The following GRIN2B variants were observed in gnomAD, a reference collection of about 807,000 sequenced individuals.
GRIN2B encodes glutamate receptor ionotropic, NMDA 2B.
A neutral mutation model predicts 114.5 loss-of-function variants in GRIN2B; 5 were observed. The observed-to-expected ratio is 0.04, with a 90% CI of 0.02 to 0.09. GRIN2B has a LOEUF of 0.09. Among genes scored for constraint, GRIN2B ranks in the 10% least tolerant of loss-of-function variants. The probability of loss-of-function intolerance (pLI) is 1.00; values close to 1 mark genes in which losing one functional copy is unlikely to be tolerated. For synonymous variants in GRIN2B, 787 were observed against 745.1 expected, an observed-to-expected ratio of 1.06 and a Z score of -0.92; for missense variants, 1,108 against 1,943.5, an observed-to-expected ratio of 0.57 and a Z score of 8.08.
At chr12:13,738,057 G>T (rs1863216897) in intron 4 of GRIN2B, among the ~76,000 whole-genome samples, 1 of 152,098 alleles carries the variant, frequency 6.6e-6, no homozygotes, top group Non-Finnish European at 1.5e-5. Context: ...ATCTCAACTG[G>T]TTCCCCTGAA....
chr12:13,634,904 G>A (rs924766624), intron 5 of GRIN2B, among the ~76,000 whole-genome samples: 2 of 152,208 alleles, frequency 1.3e-5, no homozygotes, highest in African/African-American at 4.8e-5. Context: ...ACTGAAGACT[G>A]GGCAGTATAG....
intron 3 of GRIN2B, among the ~76,000 whole-genome samples, chr12:13,833,445 C>T (rs1466493002): frequency 6.6e-6 from 1 of 152,196 alleles, no homozygotes; most frequent in Non-Finnish European, 1.5e-5. Flanking sequence ...TCCAGCCCTT[C>T]CCTGATTCCC....
intron 4 of GRIN2B, among the ~76,000 whole-genome samples, chr12:13,700,539 C>A (rs564174287): frequency 6.6e-6 from 1 of 152,230 alleles, no homozygotes; most frequent in South Asian, 2.1e-4. Context: ...ACTTGCCAGG[C>A]AGCACTAGTC....
chr12:13,866,533 A>G (rs1865832004), intron 2 of GRIN2B, among the ~76,000 whole-genome samples: 1 of 152,200 alleles, frequency 6.6e-6, no homozygotes, highest in South Asian at 2.1e-4. Context: ...CCATGCGAGT[A>G]TGCATACACA....
chr12:13,648,074 T>C (rs764396792), intron 5 of GRIN2B, among the ~76,000 whole-genome samples: 2 of 152,086 alleles, frequency 1.3e-5, no homozygotes, highest in Non-Finnish European at 1.5e-5. Flanking sequence ...GACTGTATTA[T>C]ATATGGGCCA....
chr12:13,723,143 G>GT (rs1195297782), intron 4 of GRIN2B, among the ~76,000 whole-genome samples: 2 of 126,584 alleles, frequency 1.6e-5, no homozygotes, highest in Non-Finnish European at 3.6e-5. Flanking sequence ...TTTTTTTTTT[G>GT]TTTTTTATTA....
chr12:13,902,476 A>T (rs1156868197), intron 2 of GRIN2B, among the ~76,000 whole-genome samples: 1 of 152,174 alleles, frequency 6.6e-6, no homozygotes, highest in African/African-American at 2.4e-5. Flanking sequence ...AAAACTAAGG[A>T]TTATCATCTC....
At chr12:13,695,103 C>G (rs978306889) in intron 4 of GRIN2B, among the ~76,000 whole-genome samples, 6 of 152,096 alleles carry the variant, frequency 3.9e-5, no homozygotes, top group African/African-American at 1.4e-4. Context: ...TTGTCCCACT[C>G]AATTCACCAA....
intron 5 of GRIN2B, among the ~76,000 whole-genome samples, chr12:13,623,813 A>T (rs1949542061): frequency 6.6e-6 from 1 of 152,160 alleles, no homozygotes; most frequent in Non-Finnish European, 1.5e-5. Flanking sequence ...TATTCTTCTT[A>T]AATGGAGGGT....
chr12:13,572,487 G>C (rs1432646644), intron 10 of GRIN2B, among the ~76,000 whole-genome samples: 2 of 152,126 alleles, frequency 1.3e-5, no homozygotes, highest in Non-Finnish European at 2.9e-5. Flanking sequence ...ATTTTCTTTT[G>C]ACCTTCCCTG....
rs560872461 is a variant in GRIN2B at position 13,549,064 on chromosome 12, T to G, written c.*13719A>C. On this transcript the variant is annotated 3_prime_UTR_variant, in exon 14 of 14. Transcript: ENST00000609686. ...CTAGAGCTCTTTCACTGTTTTTGGT[T>G]TAAGCATAATGCTGTGAGCCAAAAT... 1 of 152,286 alleles carries G rather than the reference T, an allele frequency of 6.6e-6. No homozygotes were observed. The highest frequency in any genetic ancestry group is 6.5e-5 in the Admixed American group (1 of 15,296). 9.4% of individuals were successfully genotyped at this position (152,286 alleles called of 1,614,324 possible).
chr12:13,631,897 T>C (rs962203684), intron 5 of GRIN2B, among the ~76,000 whole-genome samples: 1 of 152,196 alleles, frequency 6.6e-6, no homozygotes, highest in Non-Finnish European at 1.5e-5. Flanking sequence ...CTTAATTAAT[T>C]AGTCAACTCA....
intron 5 of GRIN2B, among the ~76,000 whole-genome samples, chr12:13,642,205 C>CAAACAA (rs1421846913): frequency 6.6e-6 from 1 of 151,502 alleles, no homozygotes; most frequent in African/African-American, 2.4e-5. Flanking sequence ...AACAAACAAA[C>CAAACAA]AAACAAACAA....
chr12:13,827,229 C>CTTTTTTTT (rs57007962), intron 3 of GRIN2B, among the ~76,000 whole-genome samples: 30 of 98,622 alleles, frequency 3.0e-4, no homozygotes, highest in African/African-American at 4.1e-4. Context: ...TTGTTGTTTT[C>CTTTTTTTT]TTTTTTTTTT....
At chr12:13,803,812 A>G (rs988614827) in intron 3 of GRIN2B, among the ~76,000 whole-genome samples, 1 of 152,154 alleles carries the variant, frequency 6.6e-6, no homozygotes, top group Non-Finnish European at 1.5e-5. Flanking sequence ...GGAAACAACA[A>G]TTCACAAGGG....
rs1453774427 is a variant in GRIN2B at position 13,723,142 on chromosome 12, T to G, written c.1010+30175A>C. Reference sequence around the variant, plus strand: ...AATAAATGCTTACACCTTTTTTTTTTGTTTTTTATTATTATACTTTAAGTT... The same window carrying G: ...AATAAATGCTTACACCTTTTTTTTTGGTTTTTTATTATTATACTTTAAGTT... On this transcript the variant is annotated intron_variant, in intron 4 of 13. Coordinates refer to ENST00000609686, the MANE Select transcript of GRIN2B (RefSeq NM_000834.5). Among the ~76,000 whole-genome samples the G allele has an allele frequency of 2.4e-5, 3 of 127,654 alleles. No individual in the cohort carries two copies. The Admixed American group carries it at 2.5e-4, about 11-fold the overall frequency. The allele number at this position is 127,654 out of a possible 152,430, so 83.7% of individuals were successfully genotyped here. A position where few individuals can be genotyped will look rare whatever the true frequency, so the allele number is the denominator to read the frequency against.
At chr12:13,684,729 T>G (rs1158319031) in intron 4 of GRIN2B, among the ~76,000 whole-genome samples, 9 of 152,272 alleles carry the variant, frequency 5.9e-5, no homozygotes, top group Non-Finnish European at 8.8e-5. Context: ...CTTCCAGAGA[T>G]TAGGTGTTCA....
At position 13,682,709 on chromosome 12, in the gene GRIN2B, T is replaced by A. The variant is rs561808349; in HGVS notation, c.1011-6850A>T. Among the ~76,000 whole-genome samples the A allele has an allele frequency of 9.8e-5, 15 of 152,314 alleles. No individual in the cohort carries two copies. The South Asian group carries it at 2.9e-3, about 29-fold the overall frequency. On this transcript the variant is annotated intron_variant, in intron 4 of 13. Transcript: ENST00000609686. ...TGATACAAATTTAATATACCTCTTA[T>A]CTCCTACTGGTGGTGAGAAATGTGC...
chr12:13,848,551 C>A (rs907128798), intron 3 of GRIN2B, among the ~76,000 whole-genome samples: 2 of 152,176 alleles, frequency 1.3e-5, no homozygotes, highest in African/African-American at 4.8e-5. Flanking sequence ...AAAGTAGATT[C>A]TTTTCCAATT....
Sources: gnomAD v4.1 joint callset for allele counts (sites outside exome capture counted in the v4.1 genomes callset) on GRCh38, gnomAD v4.1.1 for gene constraint, MANE v1.5 for transcripts, NCBI Gene and HGNC (gene_info 2026-07-23, HGNC 2026-07-21) for gene names.